The following GLRA3 variants were observed in gnomAD, a reference collection of about 807,000 sequenced individuals.
GLRA3 encodes the protein glycine receptor subunit alpha-3.
GLRA3 carries 44 observed loss-of-function variants against 60.4 expected under a neutral mutation model. That is an observed-to-expected ratio of 0.73 (90% confidence interval 0.57 to 0.94). The LOEUF (loss-of-function observed/expected upper bound fraction) is 0.94, where lower values mean the gene tolerates loss of function less well. Ranked by LOEUF, GLRA3 falls within the 40% of genes least tolerant of loss-of-function variation. The pLI is 0.00. For synonymous variants in GLRA3, 223 were observed against 192.9 expected, an observed-to-expected ratio of 1.16 and a Z score of -1.29; for missense variants, 508 against 564.6, an observed-to-expected ratio of 0.90 and a Z score of 1.02.
intron 2 of GLRA3, among the ~76,000 whole-genome samples, chr4:174,768,744 G>C (rs996848198): frequency 6.6e-6 from 1 of 152,050 alleles, no homozygotes; most frequent in African/African-American, 2.4e-5. Flanking sequence ...GATGCCAGTA[G>C]GTAGCACATT....
At chr4:174,649,619 C>T in intron 9 of GLRA3, among the ~76,000 whole-genome samples, 1 of 152,158 alleles carries the variant, frequency 6.6e-6, no homozygotes, top group East Asian at 1.9e-4. Flanking sequence ...CTAGAATAGC[C>T]TGTCTGGCCT....
chr4:174,785,446 C>T (rs1739085597), intron 2 of GLRA3, among the ~76,000 whole-genome samples: 1 of 152,072 alleles, frequency 6.6e-6, no homozygotes, highest in Non-Finnish European at 1.5e-5. Flanking sequence ...TGGAACATTT[C>T]TTATTTTTAA....
intron 1 of GLRA3, among the ~76,000 whole-genome samples, chr4:174,810,722 C>G (rs1363732223): frequency 6.6e-6 from 1 of 151,878 alleles, no homozygotes; most frequent in Non-Finnish European, 1.5e-5. Flanking sequence ...TGATTAGAGT[C>G]AAAATTATAA....
chr4:174,673,862 T>A (rs374288823), intron 7 of GLRA3, among the ~76,000 whole-genome samples: 158 of 152,318 alleles, frequency 1.0e-3, no homozygotes, highest in African/African-American at 3.7e-3. Context: ...TCCCTATTAG[T>A]AACTATCATC....
At chr4:174,665,648 A>T (rs1201964880) in intron 7 of GLRA3, among the ~76,000 whole-genome samples, 1 of 152,176 alleles carries the variant, frequency 6.6e-6, no homozygotes, top group Non-Finnish European at 1.5e-5. Context: ...GCAAATACCA[A>T]ATAACTCCAT....
chr4:174,659,693 C>T (rs936712342), intron 7 of GLRA3, among the ~76,000 whole-genome samples: 3 of 152,000 alleles, frequency 2.0e-5, no homozygotes, highest in African/African-American at 4.8e-5. Flanking sequence ...GCAAAGAGGT[C>T]AGGCTCAGTG....
chr4:174,673,629 A>G (rs969156406), intron 7 of GLRA3, among the ~76,000 whole-genome samples: 1 of 152,070 alleles, frequency 6.6e-6, no homozygotes, highest in African/African-American at 2.4e-5. Context: ...GCACAAATAT[A>G]TCTTCTTTCC....
chr4:174,692,192 C>T (rs1734854507), intron 5 of GLRA3, among the ~76,000 whole-genome samples: 1 of 151,444 alleles, frequency 6.6e-6, no homozygotes, highest in Non-Finnish European at 1.5e-5. Context: ...GCGTCTCCAC[C>T]CAGCAGCCAC....
chr4:174,664,935 T>C (rs1733597151), intron 7 of GLRA3, among the ~76,000 whole-genome samples: 1 of 152,160 alleles, frequency 6.6e-6, no homozygotes, highest in Non-Finnish European at 1.5e-5. Flanking sequence ...AGACAAGCTC[T>C]ATTATTAATG....
intron 9 of GLRA3, among the ~76,000 whole-genome samples, chr4:174,645,741 C>G (rs1028773994): frequency 2.0e-5 from 3 of 152,096 alleles, no homozygotes; most frequent in Admixed American, 1.3e-4. Flanking sequence ...GTTGTAAGCT[C>G]GCAAAAATTG....
chr4:174,814,604 CT>C (rs1740409124), intron 1 of GLRA3, among the ~76,000 whole-genome samples: 2 of 152,170 alleles, frequency 1.3e-5, no homozygotes, highest in Non-Finnish European at 2.9e-5. Flanking sequence ...TTGCATGTGG[CT>C]GAGGAGTCCT....
chr4:174,819,926 T>A (rs1445005410), intron 1 of GLRA3, among the ~76,000 whole-genome samples: 1 of 152,224 alleles, frequency 6.6e-6, no homozygotes, highest in Non-Finnish European at 1.5e-5. Context: ...AGTGCAAATA[T>A]CTTTTTTAAA....
intron 7 of GLRA3, among the ~76,000 whole-genome samples, chr4:174,669,291 A>G (rs1733812909): frequency 6.6e-6 from 1 of 152,140 alleles, no homozygotes; most frequent in South Asian, 2.1e-4. Flanking sequence ...GGACAAAAGA[A>G]AATAATAAAT....
intron 1 of GLRA3, among the ~76,000 whole-genome samples, chr4:174,801,381 A>G (rs923609270): frequency 3.3e-5 from 5 of 152,096 alleles, no homozygotes; most frequent in Admixed American, 6.6e-5. Context: ...ATCTCGAGCT[A>G]TGAATTCCCC....
chr4:174,801,472 G>T (rs563283130), intron 1 of GLRA3, among the ~76,000 whole-genome samples: 2 of 151,994 alleles, frequency 1.3e-5, no homozygotes, highest in Non-Finnish European at 2.9e-5. Flanking sequence ...TCAAACTCTT[G>T]TCATTTCCAC....
At chr4:174,749,695 T>C (rs1737388568) in intron 3 of GLRA3, among the ~76,000 whole-genome samples, 1 of 152,032 alleles carries the variant, frequency 6.6e-6, no homozygotes, top group Admixed American at 6.6e-5. Flanking sequence ...TAAATTCTCA[T>C]ATTAAGGCAT....
intron 3 of GLRA3, among the ~76,000 whole-genome samples, chr4:174,760,005 G>A (rs1485765782): frequency 6.6e-6 from 1 of 152,016 alleles, no homozygotes; most frequent in Non-Finnish European, 1.5e-5. Context: ...GTTAAATTTT[G>A]TGAATTAAAA....
intron 7 of GLRA3, among the ~76,000 whole-genome samples, chr4:174,671,208 A>G (rs983291509): frequency 6.6e-6 from 1 of 152,162 alleles, no homozygotes; most frequent in African/African-American, 2.4e-5. Context: ...AAGTAACATT[A>G]GTTAACTACA....
rs1732580766 is a variant in GLRA3, at chr4:174,639,597, A to C, written c.*4189T>G. On this transcript the variant is annotated 3_prime_UTR_variant, in exon 10 of 10. Transcript: ENST00000274093. ...AGTTCCGTTTAAATTGTAGAGAGTT[A>C]TATTTTACACATGGCCTATAAGTAT... 1 of 152,118 alleles carries C rather than the reference A, an allele frequency of 6.6e-6. No homozygotes were observed. The highest frequency in any genetic ancestry group is 1.5e-5 in the Non-Finnish European group (1 of 68,008). 9.4% of individuals were successfully genotyped at this position (152,118 alleles called of 1,614,324 possible).
Sources: gnomAD v4.1 joint callset for allele counts (sites outside exome capture counted in the v4.1 genomes callset) on GRCh38, gnomAD v4.1.1 for gene constraint, MANE v1.5 for transcripts, NCBI Gene and HGNC (gene_info 2026-07-23, HGNC 2026-07-21) for gene names.